Variants in PEX2 observed in about 807,000 individuals in gnomAD.
PEX2 encodes the protein peroxisomal biogenesis factor 2.
In PEX2, 19 loss-of-function variants were observed where a neutral mutation model predicts 25.2. The ratio of observed to expected loss-of-function variants is 0.75; its 90% confidence interval spans 0.53 to 1.10. PEX2 has a LOEUF of 1.10. Ranked by LOEUF, PEX2 falls within the 50% of genes least tolerant of loss-of-function variation. PEX2 has a pLI of 0.00. For synonymous variants in PEX2, 141 were observed against 127.7 expected (o/e 1.10, Z -0.70); for missense variants, 347 against 350.6 (o/e 0.99, Z 0.08).
rs561912829 is a variant in PEX2, at chr8:76,984,257, A to G, written c.-17-62T>C. On this transcript the variant is annotated intron_variant, in intron 3 of 3. Transcript: ENST00000357039. ...GTTGCAATCTTGTACAACCTCCTCAACTTATGCCTGGAAACTGTCATACAC... is the reference window on the plus strand; with the variant it reads ...GTTGCAATCTTGTACAACCTCCTCAGCTTATGCCTGGAAACTGTCATACAC... The G allele has an allele frequency of 6.4e-4, 866 of 1,345,586 alleles. 3 individuals are homozygous for G. The South Asian group carries it at 8.1e-3, about 13-fold the overall frequency. The allele number at this position is 1,345,586 out of a possible 1,614,324, so 83.4% of individuals were successfully genotyped here. A position where few individuals can be genotyped will look rare whatever the true frequency, so the allele number is the denominator to read the frequency against.
chr8:76,989,179 C>CAA (rs149287959), intron 1 of PEX2, among the ~76,000 whole-genome samples: 1,338 of 131,344 alleles, frequency 0.01, 14 homozygotes, highest in African/African-American at 0.035. Context: ...ACCTTCGTTT[C>CAA]AAAAAAAAAA....
chr8:76,990,173 C>G (rs533089565), intron 1 of PEX2, among the ~76,000 whole-genome samples: 59 of 152,134 alleles, frequency 3.9e-4, no homozygotes, highest in Non-Finnish European at 6.5e-4. Flanking sequence ...TAGCTTCCAC[C>G]TTTTCTTCTG....
chr8:76,984,135 A>T lies in PEX2; in HGVS notation c.44T>A (p.Leu15Gln), dbSNP rs2132044995. 6.2e-7 allele frequency: 1 copy of T among 1,614,120 alleles called. No individual in the cohort carries two copies. The highest frequency in any genetic ancestry group is 2.2e-5 in the East Asian group (1 of 44,882). ...KENAKSANRV[L>Q]RISQLDALEL... ...AAGTGCATCCAACTGGCTTATTCTTAGCACTCTGTTTGCACTCTTCGCATT... is the reference window on the plus strand; with the variant it reads ...AAGTGCATCCAACTGGCTTATTCTTTGCACTCTGTTTGCACTCTTCGCATT... Residue 15 changes from leucine (L) to glutamine (Q), a missense_variant, in exon 4 of 4, where the codon CTA (leucine) becomes CAA (glutamine). Transcript: ENST00000357039.
intron 1 of PEX2, among the ~76,000 whole-genome samples, chr8:76,995,920 G>C (rs75844434): frequency 4.0e-5 from 6 of 151,882 alleles, no homozygotes; most frequent in Admixed American, 2.6e-4. Context: ...GCTAAAAAAA[G>C]AAACAAAAAA....
rs746008519 is a variant in PEX2, at chr8:76,983,353, C to G, written c.826G>C (p.Val276Leu). 61 of 1,613,718 alleles carry G rather than the reference C, an allele frequency of 3.8e-5. No homozygotes were observed. Among genetic ancestry groups the G allele is most frequent in the Non-Finnish European group, 4.8e-5 (57 of 1,179,948 alleles). The stretch of plus-strand genomic sequence containing the variant: ...CCACACTTAGGACAAGTAAAGTACA[C>G]GTCAAATAAGAAACTACTCTTAGCA... ...FCAKSSFLFD[V>L]YFTCPKCGTE... Residue 276 changes from valine (V) to leucine (L), a missense_variant, in exon 4 of 4, where the codon GTG (valine) becomes CTG (leucine). Val to Leu is a conservative substitution (Grantham distance 32). Coordinates refer to ENST00000357039, the MANE Select transcript of PEX2 (RefSeq NM_000318.3).
At chr8:76,998,762 A>G (rs1289378676) in intron 1 of PEX2, among the ~76,000 whole-genome samples, 2 of 152,292 alleles carry the variant, frequency 1.3e-5, no homozygotes, top group East Asian at 1.9e-4. Context: ...AAATTTCTAC[A>G]CAAGTTCTCC....
upstream of PEX2, chr8:77,000,744 C>G (rs1807489530): frequency 6.6e-6 from 1 of 152,456 alleles, no homozygotes; most frequent in South Asian, 2.1e-4. Context: ...GGCCAGCGCG[C>G]GCCTGGCCTG....
chr8:76,996,526 A>G (rs1320798416), intron 1 of PEX2, among the ~76,000 whole-genome samples: 2 of 152,254 alleles, frequency 1.3e-5, no homozygotes, highest in Non-Finnish European at 2.9e-5. Flanking sequence ...GAAAAACACT[A>G]GTGCGAGTAT....
Position 76,983,542 on chromosome 8 carries a change from CATTG to C in PEX2, c.633_636del (p.Ile211MetfsTer5). The C allele has an allele frequency of 1.2e-6, 2 of 1,614,024 alleles. No individual in the cohort carries two copies. The highest frequency in any genetic ancestry group is 1.7e-6 in the Non-Finnish European group (2 of 1,180,028). ...GACAGCTTGGCTTTCAACTTCTGGA[CATTG>C]ATAAGTGGTAAGAGAAAAATCAGAA... On this transcript the variant is annotated frameshift_variant, in exon 4 of 4. Coordinates refer to ENST00000357039, the MANE Select transcript of PEX2 (RefSeq NM_000318.3). LOFTEE classifies it high-confidence loss of function.
At chr8:77,000,606 C>T (rs1326960674), upstream of PEX2, among the ~76,000 whole-genome samples, 1 of 152,198 alleles carries the variant, frequency 6.6e-6, no homozygotes, top group African/African-American at 2.4e-5. Flanking sequence ...CGCTTGGAGA[C>T]CTGCCCGCCC....
intron 1 of PEX2, among the ~76,000 whole-genome samples, chr8:76,996,387 C>T (rs928422041): frequency 6.6e-5 from 10 of 152,128 alleles, no homozygotes; most frequent in Admixed American, 3.3e-4. Context: ...TCTAAACCAG[C>T]GTCCTATACT....
Position 76,983,490 on chromosome 8 carries a change from G to A in PEX2, c.689C>T (p.Ala230Val). The stretch of plus-strand genomic sequence containing the variant: ...GGCTAATGTATTGTCACTATTAGGT[G>A]CACCAGTAAGAGGAATACACCATGA... Reference protein sequence around the residue: ...LSSWCIPLTGAPNSDNTLATS... With the variant: ...LSSWCIPLTGVPNSDNTLATS... Residue 230 changes from alanine (A) to valine (V), a missense_variant, in exon 4 of 4, where the codon GCA becomes GTA. By Grantham distance (64) the Ala-to-Val change is moderately conservative. Coordinates refer to ENST00000357039, the MANE Select transcript of PEX2 (RefSeq NM_000318.3). The A allele has an allele frequency of 6.2e-7, 1 of 1,614,016 alleles. No individual in the cohort carries two copies. Among genetic ancestry groups the A allele is most frequent in the Non-Finnish European group, 8.5e-7 (1 of 1,179,914 alleles).
chr8:76,999,000 ACT>A (rs1807417826), intron 1 of PEX2, among the ~76,000 whole-genome samples: 1 of 142,742 alleles, frequency 7.0e-6, no homozygotes, highest in African/African-American at 2.6e-5. Context: ...TTTTTTTTTG[ACT>A]CTGTAAATAA....
intron 1 of PEX2, chr8:76,999,662 A>G (rs1008436482): frequency 8.2e-6 from 3 of 364,890 alleles, no homozygotes; most frequent in African/African-American, 2.1e-5. Flanking sequence ...TAAGAGGTAA[A>G]TATCTTCACG....
chr8:76,987,199 T>G (rs1248976713), intron 2 of PEX2, among the ~76,000 whole-genome samples: 2 of 152,124 alleles, frequency 1.3e-5, no homozygotes, highest in Non-Finnish European at 2.9e-5. Flanking sequence ...AAAGTAAAGG[T>G]GTGCTATATA....
At chr8:76,998,142 T>C (rs1372165237) in intron 1 of PEX2, among the ~76,000 whole-genome samples, 1 of 152,346 alleles carries the variant, frequency 6.6e-6, no homozygotes, top group East Asian at 1.9e-4. Flanking sequence ...ATTCACACAT[T>C]TTCCTTGTGC....
At chr8:77,000,360 T>TGAGGACGCTACTAGTGTC (rs1807472305), upstream of PEX2, 1 of 151,204 alleles carries the variant, frequency 6.6e-6, no homozygotes, top group South Asian at 5.7e-5. Flanking sequence ...GGGCCGCAAG[T>TGAGGACGCTACTAGTGTC]GAGGACACTA....
intron 1 of PEX2, among the ~76,000 whole-genome samples, chr8:76,996,415 C>T (rs564209817): frequency 6.6e-5 from 10 of 152,206 alleles, no homozygotes; most frequent in Admixed American, 2.0e-4. Flanking sequence ...CGGTAATGGA[C>T]CCAAAAGTTA....
intron 3 of PEX2, among the ~76,000 whole-genome samples, chr8:76,985,807 C>A (rs896507728): frequency 1.3e-5 from 2 of 152,140 alleles, no homozygotes; most frequent in Non-Finnish European, 2.9e-5. Flanking sequence ...CTGACCCTGA[C>A]CTATGCCTTG....
Sources: gnomAD v4.1 joint callset for allele counts (sites outside exome capture counted in the v4.1 genomes callset) on GRCh38, gnomAD v4.1.1 for gene constraint, MANE v1.5 for transcripts, NCBI Gene and HGNC (gene_info 2026-07-23, HGNC 2026-07-21) for gene names.